Variants in UBR3 observed in about 807,000 individuals in gnomAD.
UBR3 encodes ubiquitin protein ligase E3 component n-recognin 3.
Under a neutral mutation model 243.2 loss-of-function variants are expected in UBR3, and 85 were observed. The ratio of observed to expected loss-of-function variants is 0.35; its 90% CI spans 0.29 to 0.42. The LOEUF (loss-of-function observed/expected upper bound fraction) is 0.42. Among genes scored for constraint, UBR3 ranks in the 10% least tolerant of loss-of-function variants. UBR3 has a pLI of 1.00. For synonymous variants in UBR3, 748 were observed against 799.8 expected, an observed-to-expected ratio of 0.94 and a Z score of 1.09; for missense variants, 1,686 against 2,300.8, an observed-to-expected ratio of 0.73 and a Z score of 5.47.
At chr2:169,898,732 C>T (rs1485248425) in intron 8 of UBR3, among the ~76,000 whole-genome samples, 2 of 135,536 alleles carry the variant, frequency 1.5e-5, no homozygotes, top group East Asian at 2.1e-4. Context: ...GACGGAGTCT[C>T]GCTCTGTCGC....
At chr2:169,981,725 A>G (rs1032843052) in intron 24 of UBR3, among the ~76,000 whole-genome samples, 1 of 152,166 alleles carries the variant, frequency 6.6e-6, no homozygotes, top group Non-Finnish European at 1.5e-5. Flanking sequence ...TCTAACAGTC[A>G]TACCATGCTA....
intron 1 of UBR3, among the ~76,000 whole-genome samples, chr2:169,843,203 T>A (rs999564556): frequency 6.6e-6 from 1 of 152,236 alleles, no homozygotes; most frequent in Non-Finnish European, 1.5e-5. Flanking sequence ...TGTGCTGTTA[T>A]AACAAAATAC....
At chr2:170,001,591 A>G (rs2089698444) in intron 27 of UBR3, among the ~76,000 whole-genome samples, 177 bp downstream of exon 27, 1 of 152,004 alleles carries the variant, frequency 6.6e-6, no homozygotes, top group Non-Finnish European at 1.5e-5. Flanking sequence ...TCATTTTTTA[A>G]TTTCAGTTTC....
intron 1 of UBR3, among the ~76,000 whole-genome samples, chr2:169,848,912 A>G (rs765792023): frequency 3.3e-5 from 5 of 152,160 alleles, no homozygotes; most frequent in Non-Finnish European, 7.3e-5. Context: ...AACACACACA[A>G]TCCCTTTAAT....
intron 32 of UBR3, among the ~76,000 whole-genome samples, chr2:170,044,328 A>G (rs2091033924): frequency 6.6e-6 from 1 of 152,194 alleles, no homozygotes; most frequent in South Asian, 2.1e-4. Flanking sequence ...TGAAAAATAG[A>G]TGGATGCAGA....
intron 11 of UBR3, among the ~76,000 whole-genome samples, chr2:169,915,846 A>G (rs773744100): frequency 2.0e-5 from 3 of 152,018 alleles, no homozygotes; most frequent in Non-Finnish European, 4.4e-5. Flanking sequence ...ATTTTATTCA[A>G]TGGGTTATAA....
chr2:169,959,181 C>T (rs1244860170), intron 24 of UBR3, among the ~76,000 whole-genome samples: 1 of 152,048 alleles, frequency 6.6e-6, no homozygotes, highest in East Asian at 1.9e-4. Flanking sequence ...CACATATATG[C>T]ATTCAAGCAG....
intron 24 of UBR3, chr2:169,965,062 A>G: frequency 4.7e-6 from 2 of 423,314 alleles, no homozygotes; most frequent in Non-Finnish European, 9.5e-6. Flanking sequence ...TATTCCCTTT[A>G]TTTATAACAG....
At chr2:170,016,224 C>G (rs2090232557) in intron 30 of UBR3, among the ~76,000 whole-genome samples, 1 of 151,632 alleles carries the variant, frequency 6.6e-6, no homozygotes, top group Admixed American at 6.6e-5. Context: ...GATTCCAAAG[C>G]AAAGGGATGA....
intron 26 of UBR3, among the ~76,000 whole-genome samples, chr2:169,995,564 A>G (rs2089448203): frequency 6.6e-6 from 1 of 152,244 alleles, no homozygotes; most frequent in Non-Finnish European, 1.5e-5. Context: ...CCAAGAACCT[A>G]CTGATAACAT....
intron 35 of UBR3, among the ~76,000 whole-genome samples, chr2:170,066,932 C>CCAGCCTGGG (rs1235050783): frequency 7.1e-6 from 1 of 141,302 alleles, no homozygotes; most frequent in African/African-American, 2.5e-5. Flanking sequence ...CCACCGCACT[C>CCAGCCTGGG]CAGCCTGGGC....
Position 170,030,852 on chromosome 2 carries a change from CAA to C in UBR3, c.4556+1407_4556+1408del, listed in dbSNP as rs142503996. Reference sequence around the variant, plus strand: ...TTTTTCTGAAGTAAAAACTATATAACAAAATAAATTCATAGACATCAATCTTT... The same window carrying C: ...TTTTTCTGAAGTAAAAACTATATAACAATAAATTCATAGACATCAATCTTT... On this transcript the variant is annotated intron_variant, in intron 31 of 38. Coordinates refer to ENST00000272793, the MANE Select transcript of UBR3 (RefSeq NM_172070.4). Among the ~76,000 whole-genome samples the C allele has an allele frequency of 2.3e-3, 351 of 152,168 alleles. 2 individuals carry two copies. The highest frequency in any genetic ancestry group is 8.2e-3 in the African/African-American group (339 of 41,530).
chr2:170,067,317 A>T (rs1185591092), intron 35 of UBR3, among the ~76,000 whole-genome samples: 1 of 152,218 alleles, frequency 6.6e-6, no homozygotes, highest in Non-Finnish European at 1.5e-5. Context: ...TAGAGCAAGA[A>T]GATATAATAA....
intron 2 of UBR3, among the ~76,000 whole-genome samples, chr2:169,874,331 G>T (rs1206672568): frequency 6.6e-6 from 1 of 151,944 alleles, no homozygotes; most frequent in Admixed American, 6.6e-5. Context: ...ACCACGCCCG[G>T]CTAATTTTTT....
chr2:170,012,339 A>T (rs1292104775), intron 29 of UBR3, among the ~76,000 whole-genome samples: 1 of 152,138 alleles, frequency 6.6e-6, no homozygotes, highest in Admixed American at 6.5e-5. Context: ...CAAAAGAAAG[A>T]TGTTGTCAGT....
intron 1 of UBR3, among the ~76,000 whole-genome samples, chr2:169,838,582 C>G (rs1313537296): frequency 6.6e-6 from 1 of 152,160 alleles, no homozygotes; most frequent in African/African-American, 2.4e-5. Flanking sequence ...GCTTCCGCCT[C>G]TTAATACCAC....
intron 17 of UBR3, 86 bp from the exon 18 acceptor site, chr2:169,928,641 C>T: frequency 8.8e-7 from 1 of 1,141,044 alleles, no homozygotes; most frequent in Admixed American, 2.9e-5. Context: ...TTGTCTACTT[C>T]AGCAAAATGA....
At position 169,924,845 on chromosome 2, in the gene UBR3, C is replaced by T. The variant is rs145709880; in HGVS notation, c.2022+672C>T. On this transcript the variant is annotated intron_variant, in intron 13 of 38. Coordinates refer to ENST00000272793, the MANE Select transcript of UBR3 (RefSeq NM_172070.4). ...GTCAAGAAATCGAGACCATCCTGGC[C>T]AACATGGTGAAACCTTGTCTCTACT... 5.8e-3 allele frequency among the ~76,000 whole-genome samples: 883 copies of T among 152,124 alleles called. 7 individuals carry two copies. The highest frequency in any genetic ancestry group is 0.02 in the African/African-American group (821 of 41,508).
chr2:170,075,255 T>C (rs1467160784), intron 36 of UBR3, among the ~76,000 whole-genome samples: 1 of 152,248 alleles, frequency 6.6e-6, no homozygotes, highest in East Asian at 1.9e-4. Context: ...CATATACAAA[T>C]ATCTTCCTGT....
Sources: gnomAD v4.1 joint callset for allele counts (sites outside exome capture counted in the v4.1 genomes callset) on GRCh38, gnomAD v4.1.1 for gene constraint, MANE v1.5 for transcripts, NCBI Gene and HGNC (gene_info 2026-07-23, HGNC 2026-07-21) for gene names.